DOP1A: variants seen among roughly 807,000 people sequenced by gnomAD.
DOP1A encodes the protein DOP1 leucine zipper like protein A, also known as protein DOP1A.
Under a neutral mutation model 267.6 loss-of-function variants are expected in DOP1A, and 90 were observed. The ratio of observed to expected loss-of-function variants is 0.34; its 90% CI spans 0.28 to 0.40. The LOEUF (loss-of-function observed/expected upper bound fraction) is 0.40. DOP1A is among the 10% of genes least tolerant of loss of function. The pLI is 1.00. For synonymous variants in DOP1A, 932 were observed against 999.1 expected, an observed-to-expected ratio of 0.93 and a Z score of 1.27; for missense variants, 2,437 against 2,900.4, an observed-to-expected ratio of 0.84 and a Z score of 3.67.
At chr6:83,164,630 G>C in intron 38 of DOP1A, 1 of 1,554,564 alleles carries the variant, frequency 6.4e-7, no homozygotes, top group African/African-American at 1.4e-5. Context: ...CTGGAACAAA[G>C]GCTGTGAGTT....
At position 83,138,473 on chromosome 6, in the gene DOP1A, A is replaced by C; in HGVS notation, c.4431A>C (p.Gln1477His). The change falls in exon 21 of 39, where the codon CAA (glutamine) becomes CAC (histidine). Residue 1477 changes from glutamine to histidine, a missense_variant. Coordinates refer to ENST00000349129, the MANE Select transcript of DOP1A (RefSeq NM_015018.4). ...HYPTHVKVTA[Q>H]DLIGNRNMQM... is the part of the protein sequence containing the mutation. ...CAACTCATGTCAAGGTTACTGCACAAGATTTAATAGGCAATCGAAACATGC... is the reference window on the plus strand; with the variant it reads ...CAACTCATGTCAAGGTTACTGCACACGATTTAATAGGCAATCGAAACATGC... 1 of 1,613,188 alleles carries C rather than the reference A, an allele frequency of 6.2e-7. No individual in the cohort carries two copies. The highest frequency in any genetic ancestry group is 8.5e-7 in the Non-Finnish European group (1 of 1,179,920).
chr6:83,090,411 T>C (rs2128092886), intron 1 of DOP1A, among the ~76,000 whole-genome samples: 1 of 152,314 alleles, frequency 6.6e-6, no homozygotes, highest in African/African-American at 2.4e-5. Flanking sequence ...TCGCCTGGGG[T>C]TTCTGTGAAA....
intron 4 of DOP1A, among the ~76,000 whole-genome samples, chr6:83,103,496 A>G (rs948472619): frequency 6.6e-6 from 1 of 152,204 alleles, no homozygotes; most frequent in Non-Finnish European, 1.5e-5. Context: ...AAAATTTTTT[A>G]ATCTATGAAT....
chr6:83,096,922 T>C lies in DOP1A; in HGVS notation c.-53-3T>C, dbSNP rs2128121626. 1 of 1,580,656 alleles carries C rather than the reference T, an allele frequency of 6.3e-7. No individual in the cohort carries two copies. The highest frequency in any genetic ancestry group is 8.6e-7 in the Non-Finnish European group (1 of 1,164,560). ...TTGGTTCCTCCTGCAAACTCTTTTG[T>C]AGGTAATGACTTTACATGAGTTTGG... On this transcript the variant is annotated splice_polypyrimidine_tract_variant and splice_region_variant and intron_variant, in intron 2 of 38. Coordinates refer to ENST00000349129, the MANE Select transcript of DOP1A (RefSeq NM_015018.4).
intron 4 of DOP1A, among the ~76,000 whole-genome samples, chr6:83,103,351 G>T (rs376473647): frequency 6.6e-6 from 1 of 152,156 alleles, no homozygotes; most frequent in East Asian, 1.9e-4. Context: ...GTATAACAGG[G>T]TGAGTGGTAA....
downstream of DOP1A, chr6:83,168,528 A>G (rs1583236080): frequency 2.0e-6 from 2 of 1,008,524 alleles, no homozygotes; most frequent in East Asian, 2.0e-4. Flanking sequence ...TCTTTTCCTT[A>G]TTAACCATGT....
In DOP1A at chr6:83,145,515, A is replaced by G. The variant is rs1209296772; in HGVS notation, c.5542-9A>G. The G allele has an allele frequency of 6.3e-7, 1 of 1,575,942 alleles. No individual in the cohort carries two copies. The highest frequency in any genetic ancestry group is 1.2e-5 in the South Asian group (1 of 86,532). ...CATACATACATACATACAATGATTTATTACCTAGGTCATTCCTGCAGCCAG... is the reference window on the plus strand; with the variant it reads ...CATACATACATACATACAATGATTTGTTACCTAGGTCATTCCTGCAGCCAG... On this transcript the variant is annotated splice_polypyrimidine_tract_variant and intron_variant, in intron 24 of 38. Transcript: ENST00000349129.
At chr6:83,083,973 CGT>C (rs1768612666) in intron 1 of DOP1A, among the ~76,000 whole-genome samples, 1 of 152,052 alleles carries the variant, frequency 6.6e-6, no homozygotes, top group Non-Finnish European at 1.5e-5. Flanking sequence ...TTTTTAATAA[CGT>C]ATATAATTTT....
intron 7 of DOP1A, among the ~76,000 whole-genome samples, chr6:83,115,182 G>A (rs1203684209): frequency 6.6e-6 from 1 of 152,142 alleles, no homozygotes; most frequent in Non-Finnish European, 1.5e-5. Flanking sequence ...ACACCTTTGA[G>A]ATTATAATAG....
At position 83,073,542 on chromosome 6, in the gene DOP1A, T is replaced by A. The variant is rs76404724; in HGVS notation, c.-147+5763T>A. On this transcript the variant is annotated intron_variant, in intron 1 of 38. Transcript: ENST00000349129. ...TTACGTAATCTGATAACTTTCATTA[T>A]GTTTTAAGTTTCAGAGATTGTGGTT... 2.6e-3 allele frequency among the ~76,000 whole-genome samples: 400 copies of A among 152,338 alleles called. 2 individuals are homozygous for A. Among genetic ancestry groups the A allele is most frequent in the African/African-American group, 9.2e-3 (384 of 41,566 alleles).
In DOP1A at chr6:83,154,006, C is replaced by T. The variant is rs963916297; in HGVS notation, c.6352C>T (p.Pro2118Ser). Residue 2118 changes from proline to serine, a missense_variant, in exon 32 of 39, where the codon CCC becomes TCC. Coordinates refer to ENST00000349129, the MANE Select transcript of DOP1A (RefSeq NM_015018.4). Reference sequence around the variant, plus strand: ...AGAAGCTTTTGACCTCTTTATGGATCCCAGTTTCTTTCAGATGGATGCCTC... The same window carrying T: ...AGAAGCTTTTGACCTCTTTATGGATTCCAGTTTCTTTCAGATGGATGCCTC... Reference protein sequence around the residue: ...KKEAFDLFMDPSFFQMDASCV... With the variant: ...KKEAFDLFMDSSFFQMDASCV... 6.2e-6 allele frequency: 10 copies of T among 1,614,000 alleles called. No individual in the cohort carries two copies. In the East Asian group the frequency reaches 6.7e-5, roughly 11 times the overall value.
Position 83,153,586 on chromosome 6 carries a change from A to C in DOP1A, c.6205A>C (p.Met2069Leu), listed in dbSNP as rs1456761550. The C allele has an allele frequency of 1.2e-6, 2 of 1,609,426 alleles. No individual in the cohort carries two copies. Among genetic ancestry groups the C allele is most frequent in the Non-Finnish European group, 1.7e-6 (2 of 1,178,042 alleles). The change falls in exon 31 of 39, where the codon ATG (methionine) becomes CTG (leucine). Residue 2069 changes from methionine (M) to leucine (L), a missense_variant. By Grantham distance (15) the Met-to-Leu change is conservative. Around this residue, in one of 9 missense-constraint regions of DOP1A, gnomAD observed 216 missense variants for 283.3 expected, o/e 0.76. Transcript: ENST00000349129. Reference sequence around the variant, plus strand: ...GGTTATTCCTTTACTTGTAAATATTATGCATTATGTTGTGCCCTACCTCAG... The same window carrying C: ...GGTTATTCCTTTACTTGTAAATATTCTGCATTATGTTGTGCCCTACCTCAG... ...ERVIPLLVNIMHYVVPYLRNH... is the reference protein window; with the variant it reads ...ERVIPLLVNILHYVVPYLRNH...
At chr6:83,170,548 C>A, downstream of DOP1A, 1 of 1,230,234 alleles carries the variant, frequency 8.1e-7, no homozygotes, top group Middle Eastern at 1.9e-4. Context: ...GTTAAACATA[C>A]ATTCTACGAA....
rs1776851592 is a variant in DOP1A, at chr6:83,124,590, C to G, written c.1341-115C>G. On this transcript the variant is annotated intron_variant, in intron 12 of 38. Transcript: ENST00000349129. Reference sequence around the variant, plus strand: ...GAAATAAAATATGTCATCACAAAAACATTACTGTGTGTGACCCAATATTGA... The same window carrying G: ...GAAATAAAATATGTCATCACAAAAAGATTACTGTGTGTGACCCAATATTGA... 7 of 794,112 alleles carry G rather than the reference C, an allele frequency of 8.8e-6. No individual in the cohort carries two copies. The Admixed American group carries it at 9.6e-5, about 11-fold the overall frequency. 49.2% of individuals were successfully genotyped at this position (794,112 alleles called of 1,614,324 possible). A position where few individuals can be genotyped will look rare whatever the true frequency, so the allele number is the denominator to read the frequency against.
rs778341602 is a variant in DOP1A, at chr6:83,138,436, G to A, written c.4394G>A (p.Arg1465His). ...ATTTCTCTCTGCTTATATTACATGC[G>A]TAGCCATTACCCAACTCATGTCAAG... ...ILISLCLYYM[R>H]SHYPTHVKVT... Residue 1465 changes from arginine to histidine, a missense_variant, in exon 21 of 39, where the codon CGT (arginine) becomes CAT (histidine). Around this residue, in one of 9 missense-constraint regions of DOP1A, gnomAD observed 878 missense variants for 992.9 expected, o/e 0.88. Coordinates refer to ENST00000349129, the MANE Select transcript of DOP1A (RefSeq NM_015018.4). 37 of 1,611,900 alleles carry A rather than the reference G, an allele frequency of 2.3e-5. No individual in the cohort carries two copies. The highest frequency in any genetic ancestry group is 2.9e-5 in the Non-Finnish European group (34 of 1,179,872).
downstream of DOP1A, chr6:83,170,227 T>C (rs1048176665): frequency 5.2e-6 from 7 of 1,333,584 alleles, no homozygotes; most frequent in Admixed American, 1.8e-5. Flanking sequence ...CATAGTGAGA[T>C]TCTAAAAACC....
intron 18 of DOP1A, among the ~76,000 whole-genome samples, chr6:83,132,892 C>T (rs955416393): frequency 3.9e-5 from 6 of 152,156 alleles, no homozygotes; most frequent in Non-Finnish European, 7.4e-5. Flanking sequence ...TTTTTACTAA[C>T]CTCATCAGGG....
Position 83,145,506 on chromosome 6 carries a change from C to A in DOP1A, c.5542-18C>A, listed in dbSNP as rs368328146. ...ACTTATATACATACATACATACATA[C>A]AATGATTTATTACCTAGGTCATTCC... On this transcript the variant is annotated intron_variant, in intron 24 of 38. Transcript: ENST00000349129. 75 of 1,564,856 alleles carry A rather than the reference C, an allele frequency of 4.8e-5. No homozygotes were observed. Among genetic ancestry groups the A allele is most frequent in the Non-Finnish European group, 6.2e-5 (72 of 1,153,690 alleles).
chr6:83,100,971 A>T (rs1283547100), intron 4 of DOP1A, 85 bp downstream of exon 4: 3 of 906,536 alleles, frequency 3.3e-6, no homozygotes, highest in Non-Finnish European at 4.4e-6. Context: ...ACTAAAAACT[A>T]AAAATTGAAA....
Sources: gnomAD v4.1 joint callset for allele counts (sites outside exome capture counted in the v4.1 genomes callset) on GRCh38, gnomAD v4.1.1 for gene constraint, gnomAD v4.1.1 regional missense constraint, MANE v1.5 for transcripts, NCBI Gene and HGNC (gene_info 2026-07-23, HGNC 2026-07-21) for gene names.